CFAP54: variants seen among roughly 807,000 people sequenced by gnomAD.
CFAP54 encodes the protein cilia- and flagella-associated protein 54.
In CFAP54, 290 loss-of-function variants were observed where a neutral mutation model predicts 370.4. That is an observed-to-expected ratio of 0.78 (90% CI 0.71 to 0.86). The LOEUF is 0.86. Among genes scored for constraint, CFAP54 ranks in the 40% least tolerant of loss-of-function variants. CFAP54 has a pLI of 0.00. For missense variants in CFAP54, 3,399 were observed against 3,528.7 expected (o/e 0.96, Z 0.93); for synonymous variants, 1,206 against 1,236.5 (o/e 0.98, Z 0.52).
rs1957383977 is a variant in CFAP54 at position 96,691,182 on chromosome 12, T to C, written c.6136T>C (p.Tyr2046His). Residue 2046 changes from tyrosine to histidine, a missense_variant, in exon 44 of 68, where the codon TAT becomes CAT. Tyr to His is a moderately conservative substitution (Grantham distance 83). Coordinates refer to ENST00000524981, the MANE Select transcript of CFAP54 (RefSeq NM_001306084.2). Reference protein sequence around the residue: ...HPKAERCYAQYEITQLLPGIE... With the variant: ...HPKAERCYAQHEITQLLPGIE... ...CAAAGCTGAACGTTGCTATGCTCAA[T>C]ATGAAATCACTCAGCTTCTCCCAGG... 11 of 1,613,710 alleles carry C rather than the reference T, an allele frequency of 6.8e-6. No individual in the cohort carries two copies. In the East Asian group the frequency reaches 2.5e-4, roughly 36 times the overall value.
chr12:96,560,602 C>G (rs1955804648), intron 17 of CFAP54, among the ~76,000 whole-genome samples: 1 of 152,032 alleles, frequency 6.6e-6, no homozygotes, highest in South Asian at 2.1e-4. Context: ...TAGTAGTTTC[C>G]TCATAATCAT....
chr12:96,624,859 A>T (rs908921285), intron 28 of CFAP54, among the ~76,000 whole-genome samples: 4 of 152,176 alleles, frequency 2.6e-5, no homozygotes, highest in Admixed American at 6.5e-5. Flanking sequence ...TAAGAATTTG[A>T]TTATTCCCAT....
intron 60 of CFAP54, among the ~76,000 whole-genome samples, chr12:96,778,603 T>G (rs1310799736): frequency 6.6e-6 from 1 of 152,154 alleles, no homozygotes; most frequent in Admixed American, 6.5e-5. Flanking sequence ...ATTCCACACA[T>G]TTTGTGGCTT....
intron 39 of CFAP54, among the ~76,000 whole-genome samples, chr12:96,672,649 A>G (rs1443855202): frequency 1.3e-5 from 2 of 152,178 alleles, no homozygotes; most frequent in East Asian, 3.8e-4. Context: ...ATCATGTGTG[A>G]TGAGTTTTTT....
intron 33 of CFAP54, chr12:96,646,514 C>G (rs1025812714): frequency 4.6e-5 from 7 of 152,178 alleles, no homozygotes; most frequent in Non-Finnish European, 2.9e-5. Flanking sequence ...TGTATGTAAA[C>G]TAGTTCAACC....
At position 96,515,979 on chromosome 12, in the gene CFAP54, G is replaced by A. The variant is rs544356364; in HGVS notation, c.798+2935G>A. 3.2e-4 allele frequency among the ~76,000 whole-genome samples: 47 copies of A among 146,600 alleles called. 1 individual carries two copies. The South Asian group carries it at 4.6e-3, about 14-fold the overall frequency. On this transcript the variant is annotated intron_variant, in intron 5 of 67. Transcript: ENST00000524981. ...CGCCCAGGCTGGAGTGCAGTGGCGC[G>A]GTCTTGGCTCACTGCAAGCTCCACC...
At chr12:96,591,322 G>A (rs4762310) in intron 23 of CFAP54, among the ~76,000 whole-genome samples, 136,971 of 152,130 alleles carry the variant, frequency 0.9, 61,846 homozygotes, top group East Asian at 0.96. Flanking sequence ...ATGATAGGCC[G>A]GAAATCATTT....
At chr12:96,631,161 T>G (rs997344349) in intron 32 of CFAP54, among the ~76,000 whole-genome samples, 1 of 151,970 alleles carries the variant, frequency 6.6e-6, no homozygotes, top group African/African-American at 2.4e-5. Flanking sequence ...TAGAACCAAT[T>G]CCACTTTGTT....
At chr12:96,615,601 G>A (rs78045143) in intron 26 of CFAP54, among the ~76,000 whole-genome samples, 963 of 146,144 alleles carry the variant, frequency 6.6e-3, no homozygotes, top group Middle Eastern at 0.011. Context: ...GAAAATTTTT[G>A]CAATCTATCC....
At chr12:96,669,020 C>T (rs1337131831) in intron 39 of CFAP54, among the ~76,000 whole-genome samples, 1 of 151,990 alleles carries the variant, frequency 6.6e-6, no homozygotes, top group East Asian at 1.9e-4. Context: ...GTTTAGGGTC[C>T]ATTAAAGGAG....
intron 50 of CFAP54, among the ~76,000 whole-genome samples, chr12:96,729,244 A>C (rs569915947): frequency 1.8e-4 from 27 of 152,266 alleles, no homozygotes; most frequent in African/African-American, 5.3e-4. Flanking sequence ...TGCAGAGGTT[A>C]CTGCTGTCTT....
chr12:96,610,814 C>A (rs1048899629), intron 26 of CFAP54, among the ~76,000 whole-genome samples: 21 of 152,192 alleles, frequency 1.4e-4, no homozygotes, highest in Admixed American at 5.9e-4. Flanking sequence ...TGAGACCGAG[C>A]TGCAAGGTGG....
intron 60 of CFAP54, 141 bp from the exon 61 acceptor site, chr12:96,784,576 G>A (rs1324075284): frequency 3.7e-6 from 2 of 537,846 alleles, no homozygotes; most frequent in Non-Finnish European, 6.0e-6. Flanking sequence ...GTGTCTGCAT[G>A]ATACAAAAGA....
In CFAP54 at chr12:96,594,297, A is replaced by G; in HGVS notation, c.3367A>G (p.Arg1123Gly). The change falls in exon 25 of 68, where the codon AGA becomes GGA. Residue 1123 changes from arginine (R) to glycine (G), a missense_variant. Arg to Gly is a moderately radical substitution (Grantham distance 125). Transcript: ENST00000524981. ...NEIFPSQQIA[R>G]LIECERVLVA... Reference sequence around the variant, plus strand: ...AATGCCTGTTTCTTTACAGATTGCCAGACTGATTGAATGTGAGAGAGTATT... The same window carrying G: ...AATGCCTGTTTCTTTACAGATTGCCGGACTGATTGAATGTGAGAGAGTATT... The G allele has an allele frequency of 6.5e-7, 1 of 1,527,294 alleles. No homozygotes were observed. The highest frequency in any genetic ancestry group is 8.8e-7 in the Non-Finnish European group (1 of 1,140,976). 94.6% of individuals were successfully genotyped at this position (1,527,294 alleles called of 1,614,324 possible).
chr12:96,612,433 C>T (rs1956368479), intron 26 of CFAP54, among the ~76,000 whole-genome samples: 1 of 152,204 alleles, frequency 6.6e-6, no homozygotes, highest in South Asian at 2.1e-4. Context: ...ACTGCAAAAA[C>T]ATGCCAAATT....
intron 58 of CFAP54, among the ~76,000 whole-genome samples, chr12:96,761,125 C>G (rs1482701429): frequency 6.6e-6 from 1 of 152,162 alleles, no homozygotes; most frequent in East Asian, 1.9e-4. Flanking sequence ...CTTGCTAACA[C>G]TTGTTATTAT....
chr12:96,821,956 G>A (rs1959040423), intron 65 of CFAP54, among the ~76,000 whole-genome samples: 1 of 152,104 alleles, frequency 6.6e-6, no homozygotes, highest in African/African-American at 2.4e-5. Flanking sequence ...GTCTTTGGTT[G>A]ACATGGGGGG....
intron 48 of CFAP54, 148 bp from the exon 49 acceptor site, chr12:96,718,295 G>C: frequency 3.8e-6 from 2 of 531,192 alleles, no homozygotes; most frequent in Non-Finnish European, 3.5e-6. Flanking sequence ...GGAGGTGAAG[G>C]TTGCAGTGAG....
At chr12:96,628,250 A>T (rs1192376333) in intron 30 of CFAP54, among the ~76,000 whole-genome samples, 1 of 152,248 alleles carries the variant, frequency 6.6e-6, no homozygotes, top group Non-Finnish European at 1.5e-5. Context: ...ACTCCTCAGT[A>T]ACGCTGACTT....
Sources: gnomAD v4.1 joint callset for allele counts (sites outside exome capture counted in the v4.1 genomes callset) on GRCh38, gnomAD v4.1.1 for gene constraint, MANE v1.5 for transcripts, NCBI Gene and HGNC (gene_info 2026-07-23, HGNC 2026-07-21) for gene names.